The following NAALADL2 variants were observed in gnomAD, a reference collection of about 807,000 sequenced individuals.
The protein encoded by NAALADL2 is N-acetylated alpha-linked acidic dipeptidase like 2.
NAALADL2 carries 76 observed loss-of-function variants against 87.2 expected under a neutral mutation model. That is an observed-to-expected ratio of 0.87 (90% CI 0.72 to 1.05). NAALADL2 has a LOEUF of 1.05. NAALADL2 is among the 50% of genes least tolerant of loss of function. The pLI, the probability that NAALADL2 is intolerant of heterozygous loss-of-function variation, is 0.00. For synonymous variants in NAALADL2, 354 were observed against 331.0 expected (o/e 1.07, Z -0.75); for missense variants, 1,089 against 945.8 (o/e 1.15, Z -1.99).
At chr3:175,394,201 C>T (rs1241308696) in intron 5 of NAALADL2, among the ~76,000 whole-genome samples, 1 of 151,966 alleles carries the variant, frequency 6.6e-6, no homozygotes. Flanking sequence ...AAAGCAAAAA[C>T]AGACCAAATG....
intron 5 of NAALADL2, among the ~76,000 whole-genome samples, chr3:175,371,190 C>CTG (rs1156526183): frequency 1.3e-5 from 2 of 152,008 alleles, no homozygotes; most frequent in East Asian, 1.9e-4. Context: ...AAAAGTTCTC[C>CTG]TTCATTGGTA....
chr3:174,515,618 T>C (rs1253907201), intron 1 of NAALADL2, among the ~76,000 whole-genome samples: 1 of 151,354 alleles, frequency 6.6e-6, no homozygotes, highest in Non-Finnish European at 1.5e-5. Flanking sequence ...TCAAGTTTTA[T>C]AGAACAAATA....
intron 2 of NAALADL2, among the ~76,000 whole-genome samples, chr3:174,554,883 G>T (rs933991814): frequency 1.3e-5 from 2 of 152,194 alleles, no homozygotes; most frequent in Admixed American, 1.3e-4. Flanking sequence ...GGCTGGGAAG[G>T]TCCAGATCAA....
At chr3:174,745,082 A>G (rs552634089) in intron 3 of NAALADL2, among the ~76,000 whole-genome samples, 1 of 152,236 alleles carries the variant, frequency 6.6e-6, no homozygotes, top group South Asian at 2.1e-4. Context: ...GCAGAAGACA[A>G]GAAATAACTA....
At chr3:175,300,178 A>T (rs1230369274) in intron 4 of NAALADL2, among the ~76,000 whole-genome samples, 3 of 152,182 alleles carry the variant, frequency 2.0e-5, no homozygotes, top group African/African-American at 7.2e-5. Context: ...GTGCTGCTGG[A>T]TTCAGTTTGC....
intron 1 of NAALADL2, among the ~76,000 whole-genome samples, chr3:174,881,398 T>C (rs1456411548): frequency 6.6e-6 from 1 of 152,078 alleles, no homozygotes; most frequent in Non-Finnish European, 1.5e-5. Flanking sequence ...TATTACACAA[T>C]AGCCTCAATA....
chr3:174,580,347 G>A (rs1054896667), intron 2 of NAALADL2, among the ~76,000 whole-genome samples: 2 of 152,092 alleles, frequency 1.3e-5, no homozygotes, highest in South Asian at 2.1e-4. Context: ...AGAAACAAAC[G>A]TATGGCTAAG....
chr3:175,588,739 C>T (rs550622193), intron 10 of NAALADL2, among the ~76,000 whole-genome samples: 27 of 151,936 alleles, frequency 1.8e-4, no homozygotes, highest in African/African-American at 5.8e-4. Flanking sequence ...GGGGTTTCAC[C>T]GTGTTAGCCA....
chr3:174,717,916 A>G (rs1404631731), intron 2 of NAALADL2, among the ~76,000 whole-genome samples: 1 of 152,112 alleles, frequency 6.6e-6, no homozygotes, highest in East Asian at 1.9e-4. Context: ...ACCTGAAGTC[A>G]GGAGTTCGAG....
intron 1 of NAALADL2, among the ~76,000 whole-genome samples, chr3:174,481,641 G>A (rs1717562610): frequency 6.6e-6 from 1 of 152,042 alleles, no homozygotes; most frequent in African/African-American, 2.4e-5. Flanking sequence ...TCAACATATA[G>A]TTGTATTCAT....
intron 11 of NAALADL2, among the ~76,000 whole-genome samples, chr3:175,654,174 G>A (rs182055325): frequency 5.5e-4 from 84 of 152,256 alleles, no homozygotes; most frequent in Non-Finnish European, 3.5e-4. Context: ...TACAGTTAGC[G>A]TATCGTTTCT....
intron 1 of NAALADL2, among the ~76,000 whole-genome samples, chr3:174,450,972 C>CTG (rs559651064): frequency 5.3e-5 from 8 of 150,676 alleles, no homozygotes; most frequent in Admixed American, 1.3e-4. Context: ...TATGAGACAA[C>CTG]TGAGTCAATT....
At chr3:175,013,832 G>A (rs1750475769) in intron 1 of NAALADL2, among the ~76,000 whole-genome samples, 1 of 151,994 alleles carries the variant, frequency 6.6e-6, no homozygotes, top group Non-Finnish European at 1.5e-5. Context: ...TCTCGCATGT[G>A]CTGATTTTCA....
chr3:174,832,108 T>C (rs1579114311), intron 3 of NAALADL2, among the ~76,000 whole-genome samples: 1 of 152,290 alleles, frequency 6.6e-6, no homozygotes, highest in South Asian at 2.1e-4. Context: ...CTCTATTTCC[T>C]TCAGTTCTGC....
At chr3:175,618,111 A>G (rs924995093) in intron 10 of NAALADL2, among the ~76,000 whole-genome samples, 6 of 152,178 alleles carry the variant, frequency 3.9e-5, no homozygotes, top group Non-Finnish European at 7.4e-5. Flanking sequence ...TTGATTCAAA[A>G]GTAACATATT....
At chr3:175,795,769 A>G (rs1044904148) in intron 13 of NAALADL2, among the ~76,000 whole-genome samples, 8 of 152,096 alleles carry the variant, frequency 5.3e-5, no homozygotes, top group Non-Finnish European at 1.2e-4. Context: ...TTTATAAATT[A>G]TGTATTGCCT....
At chr3:174,840,563 G>A (rs1383792524) in intron 3 of NAALADL2, among the ~76,000 whole-genome samples, 1 of 152,098 alleles carries the variant, frequency 6.6e-6, no homozygotes, top group Non-Finnish European at 1.5e-5. Flanking sequence ...ATTTTTAGAT[G>A]TACTTTTTCT....
chr3:174,914,866 G>A (rs968748874), intron 1 of NAALADL2, among the ~76,000 whole-genome samples: 2 of 152,044 alleles, frequency 1.3e-5, no homozygotes, highest in East Asian at 3.9e-4. Context: ...AGGGAGGAAA[G>A]GTAAAATATC....
At chr3:175,512,781 TTTC>T (rs1731335043) in intron 9 of NAALADL2, among the ~76,000 whole-genome samples, 1 of 152,182 alleles carries the variant, frequency 6.6e-6, no homozygotes, top group South Asian at 2.1e-4. Context: ...CTTCTGCATG[TTTC>T]TTCTTCTCTG....
Sources: allele counts gnomAD v4.1 joint callset (sites outside exome capture counted in the v4.1 genomes callset), GRCh38; gene constraint gnomAD v4.1.1; transcripts MANE v1.5; gene names NCBI Gene and HGNC (gene_info 2026-07-23, HGNC 2026-07-21).